The following ADCY10 variants were observed in gnomAD, a reference collection of about 807,000 sequenced individuals.
The protein encoded by ADCY10 is adenylate cyclase 10.
Under a neutral mutation model 183.3 loss-of-function variants are expected in ADCY10, and 156 were observed. The ratio of observed to expected loss-of-function variants is 0.85; its 90% CI spans 0.75 to 0.97. ADCY10 has a LOEUF of 0.97. Among genes scored for constraint, ADCY10 ranks in the 50% least tolerant of loss-of-function variants. ADCY10 has a pLI of 0.00. For synonymous variants in ADCY10, 645 were observed against 670.0 expected (o/e 0.96, Z 0.58); for missense variants, 1,745 against 1,934.3 (o/e 0.90, Z 1.84).
intron 14 of ADCY10, among the ~76,000 whole-genome samples, chr1:167,865,461 G>A (rs1482630837): frequency 6.6e-6 from 1 of 152,070 alleles, no homozygotes; most frequent in African/African-American, 2.4e-5. Flanking sequence ...CTTACCTTAT[G>A]GTCAAACATG....
chr1:167,880,125 G>C lies in ADCY10; in HGVS notation c.1206C>G (p.His402Gln), dbSNP rs755278836. The change falls in exon 11 of 33, where the codon CAC becomes CAG. Residue 402 changes from histidine to glutamine, a missense_variant. Physicochemically the swap from His to Gln is conservative, Grantham distance 24 (BLOSUM62 0). Transcript: ENST00000367851. ...GCTGACCCAGCACACCTGTGTACTC[G>C]TGTCTCACAGTGTGTCCAACGATCC... The part of the protein sequence containing the change: ...FCGIVGHTVR[H>Q]EYTVIGQKVN... 1.6e-5 allele frequency: 25 copies of C among 1,612,262 alleles called. No homozygotes were observed. The highest frequency in any genetic ancestry group is 2.1e-5 in the Non-Finnish European group (25 of 1,179,366).
chr1:167,873,021 G>A (rs1667212785), intron 13 of ADCY10, among the ~76,000 whole-genome samples: 1 of 151,854 alleles, frequency 6.6e-6, no homozygotes, highest in African/African-American at 2.4e-5. Flanking sequence ...AGTGAGCTGA[G>A]ATCGCGCCAC....
In ADCY10 at chr1:167,823,110, T is replaced by A. The variant is rs1470709063; in HGVS notation, c.4066A>T (p.Ile1356Phe). 1 of 1,613,870 alleles carries A rather than the reference T, an allele frequency of 6.2e-7. No individual in the cohort carries two copies. Among genetic ancestry groups the A allele is most frequent in the African/African-American group, 1.3e-5 (1 of 74,872 alleles). Reference protein sequence around the residue: ...LLLNSRYPQLIQVLGRLWELS... With the variant: ...LLLNSRYPQLFQVLGRLWELS... ...TCCCACAGCCGCCCCAGCACCTGGA[T>A]CAATTGCGGGTATCTATGGAAAAGA... The change falls in exon 29 of 33, where the codon ATC (isoleucine) becomes TTC (phenylalanine). Residue 1356 changes from isoleucine to phenylalanine, a missense_variant. Transcript: ENST00000367851.
intron 8 of ADCY10, 113 bp from the exon 9 acceptor site, chr1:167,883,741 T>A: frequency 1.1e-6 from 1 of 950,904 alleles, no homozygotes; most frequent in Non-Finnish European, 1.7e-6. Flanking sequence ...TCAGAATGGG[T>A]GAGGTACAAC....
At chr1:167,909,793 T>C (rs1194007487) in intron 1 of ADCY10, among the ~76,000 whole-genome samples, 2 of 152,198 alleles carry the variant, frequency 1.3e-5, no homozygotes, top group African/African-American at 2.4e-5. Flanking sequence ...GTCAGGCTTT[T>C]CAACTTTTAG....
chr1:167,910,738 T>G (rs1421030244), intron 1 of ADCY10, among the ~76,000 whole-genome samples: 1 of 152,144 alleles, frequency 6.6e-6, no homozygotes, highest in African/African-American at 2.4e-5. Flanking sequence ...ATGTGCTGAG[T>G]AGCCAGAGAA....
rs1321260714 is a variant in ADCY10 at position 167,850,693 on chromosome 1, G to GTGTGTGTGTGTA, written c.2309-2205_2309-2204insTACACACACACA. Reference sequence around the variant, plus strand: ...TGTGTGTGTGTGTGTGTGTGTGTGTGTGTGTGTGTGTGTGTTGGGAGTAGG... The same window carrying GTGTGTGTGTGTA: ...TGTGTGTGTGTGTGTGTGTGTGTGTGTGTGTGTGTGTATGTGTGTGTGTGTGTTGGGAGTAGG... On this transcript the variant is annotated intron_variant, in intron 18 of 32. Transcript: ENST00000367851. 5.0e-5 allele frequency among the ~76,000 whole-genome samples: 7 copies of GTGTGTGTGTGTA among 140,852 alleles called. No homozygotes were observed. The South Asian group carries it at 1.4e-3, about 28-fold the overall frequency. The allele number at this position is 140,852 out of a possible 152,430, so 92.4% of individuals were successfully genotyped here. A position where few individuals can be genotyped will look rare whatever the true frequency, so the allele number is the denominator to read the frequency against.
intron 1 of ADCY10, among the ~76,000 whole-genome samples, chr1:167,910,072 T>C (rs1670055332): frequency 1.3e-5 from 2 of 152,206 alleles, no homozygotes; most frequent in African/African-American, 2.4e-5. Flanking sequence ...AACTGTTTCT[T>C]TGGGGACCTC....
Position 167,824,672 on chromosome 1 carries a change from G to C in ADCY10, c.3934C>G (p.Leu1312Val). Residue 1312 changes from leucine (L) to valine (V), a missense_variant, in exon 27 of 33, where the codon CTG becomes GTG. Coordinates refer to ENST00000367851, the MANE Select transcript of ADCY10 (RefSeq NM_018417.6). ...TTACCTAACTCAATGGCCAAATCCA[G>C]GTGTCCCATTATGAGCTTGTTGAAG... ...LVFNKLIMGH[L>V]DLAIELGSRA... 1 of 1,614,168 alleles carries C rather than the reference G, an allele frequency of 6.2e-7. No homozygotes were observed. The highest frequency in any genetic ancestry group is 1.3e-5 in the African/African-American group (1 of 75,034).
intron 14 of ADCY10, among the ~76,000 whole-genome samples, chr1:167,868,329 TG>T (rs1211994352): frequency 6.6e-6 from 1 of 152,152 alleles, no homozygotes; most frequent in Non-Finnish European, 1.5e-5. Flanking sequence ...AGAATCACCC[TG>T]ATCATTTCTA....
At chr1:167,869,704 A>G (rs1666960909) in intron 14 of ADCY10, among the ~76,000 whole-genome samples, 1 of 151,986 alleles carries the variant, frequency 6.6e-6, no homozygotes, top group African/African-American at 2.4e-5. Context: ...CCTGTCACGT[A>G]CCCCCTGGCT....
At chr1:167,904,849 C>T (rs1288575115) in intron 2 of ADCY10, 144 bp downstream of exon 2, 8 of 1,064,368 alleles carry the variant, frequency 7.5e-6, no homozygotes, top group Non-Finnish European at 1.1e-5. Flanking sequence ...TTTCCTCCCT[C>T]TTGTGTTCTC....
At chr1:167,853,619 T>C (rs1289238293) in intron 18 of ADCY10, among the ~76,000 whole-genome samples, 1 of 152,122 alleles carries the variant, frequency 6.6e-6, no homozygotes, top group Non-Finnish European at 1.5e-5. Context: ...ATTATTTTCC[T>C]AAAAATTCCA....
At position 167,834,080 on chromosome 1, in the gene ADCY10, G is replaced by A. The variant is rs780810883; in HGVS notation, c.3310-3C>T. On this transcript the variant is annotated splice_polypyrimidine_tract_variant and splice_region_variant and intron_variant, in intron 23 of 32. Transcript: ENST00000367851. The stretch of plus-strand genomic sequence containing the variant: ...CCTTCATTCAAATACATGTATGCCT[G>A]TAACCAGCCCAAGGAGTAGAAAAGT... The A allele has an allele frequency of 6.2e-7, 1 of 1,608,392 alleles. No individual in the cohort carries two copies. Among genetic ancestry groups the A allele is most frequent in the Non-Finnish European group, 8.5e-7 (1 of 1,174,878 alleles).
chr1:167,880,229 A>C, intron 10 of ADCY10, 38 bp from the exon 11 acceptor site: 2 of 1,556,264 alleles, frequency 1.3e-6, no homozygotes, highest in Non-Finnish European at 1.8e-6. Flanking sequence ...GGAAAGAAAT[A>C]AAGATAATGA....
intron 9 of ADCY10, among the ~76,000 whole-genome samples, chr1:167,881,566 C>T (rs1055389282): frequency 2.0e-5 from 3 of 152,170 alleles, no homozygotes; most frequent in South Asian, 2.1e-4. Context: ...ATTTATGTAG[C>T]GGCCTGGCAA....
At chr1:167,878,088 C>A (rs1301620395) in intron 12 of ADCY10, among the ~76,000 whole-genome samples, 1 of 152,186 alleles carries the variant, frequency 6.6e-6, no homozygotes, top group African/African-American at 2.4e-5. Flanking sequence ...TTAACCCTAA[C>A]AATGCCTCGG....
intron 31 of ADCY10, among the ~76,000 whole-genome samples, chr1:167,816,747 A>G (rs1662553159): frequency 6.6e-6 from 1 of 151,866 alleles, no homozygotes. Context: ...CAAAATAAAG[A>G]CTTCTCAAAC....
intron 16 of ADCY10, among the ~76,000 whole-genome samples, chr1:167,857,605 G>C (rs1423332489): frequency 6.6e-6 from 1 of 152,000 alleles, no homozygotes; most frequent in Non-Finnish European, 1.5e-5. Flanking sequence ...ATGAGGATTG[G>C]GTTCTTTTTA....
Sources: gnomAD v4.1 joint callset for allele counts (sites outside exome capture counted in the v4.1 genomes callset) on GRCh38, gnomAD v4.1.1 for gene constraint, MANE v1.5 for transcripts, NCBI Gene and HGNC (gene_info 2026-07-23, HGNC 2026-07-21) for gene names.